IFI44L: variants seen among roughly 807,000 people sequenced by gnomAD.
IFI44L encodes interferon induced protein 44 like, also known as interferon-induced protein 44-like.
IFI44L carries 40 observed loss-of-function variants against 39.3 expected under a neutral mutation model. The ratio of observed to expected loss-of-function variants is 1.02; its 90% CI spans 0.79 to 1.33. IFI44L has a LOEUF of 1.33. Among genes scored for constraint, IFI44L ranks in the 40% most tolerant of loss-of-function variants. IFI44L has a pLI of 0.00. For synonymous variants in IFI44L, 198 were observed against 182.3 expected (o/e 1.09, Z -0.69); for missense variants, 623 against 549.0 (o/e 1.13, Z -1.35).
chr1:78,645,823 T>G lies in IFI44L; in HGVS notation c.*4014T>G, dbSNP rs923453382. The G allele has an allele frequency of 1.5e-4, 23 of 152,306 alleles. No individual in the cohort carries two copies. The highest frequency in any genetic ancestry group is 5.5e-4 in the African/African-American group (23 of 41,564). The allele number at this position is 152,306 out of a possible 1,614,324, so 9.4% of individuals were successfully genotyped here. On this transcript the variant is annotated 3_prime_UTR_variant, in exon 9 of 9. Transcript: ENST00000370751. ...ACCCTTGCAAAATCTTTCTCTGATG[T>G]TGGAGAAAATGGGCCAGTGAGATCA...
intron 5 of IFI44L, 78 bp downstream of exon 5, chr1:78,635,567 C>A: frequency 7.8e-7 from 1 of 1,289,640 alleles, no homozygotes. Context: ...CCACATAAGG[C>A]AATTTCAACT....
intron 1 of IFI44L, among the ~76,000 whole-genome samples, chr1:78,625,371 G>T (rs1011021096): frequency 6.6e-6 from 1 of 151,922 alleles, no homozygotes; most frequent in African/African-American, 2.4e-5. Flanking sequence ...GTCAGCTTTG[G>T]TAAGTTGTAT....
At chr1:78,636,853 T>A (rs113170784) in intron 5 of IFI44L, 179 bp from the exon 6 acceptor site, 3 of 517,996 alleles carry the variant, frequency 5.8e-6, no homozygotes, top group Non-Finnish European at 1.0e-5. Flanking sequence ...AAGAGAGATA[T>A]AATGGCATTA....
intron 4 of IFI44L, among the ~76,000 whole-genome samples, chr1:78,632,959 G>A (rs1652808518): frequency 6.6e-6 from 1 of 152,020 alleles, no homozygotes; most frequent in South Asian, 2.1e-4. Context: ...AGAGCAGGAG[G>A]GGCAGAGCAA....
Position 78,641,801 on chromosome 1 carries a change from T to A in IFI44L, c.1351T>A (p.Cys451Ser), listed in dbSNP as rs754630565. ...TGAIERALQP[C>S]I is the part of the protein sequence containing the mutation. ...TGCAATTGAGAGAGCGTTACAGCCC[T>A]GCATTTGAGATAAGTTGCCTTGATT... Residue 451 changes from cysteine to serine, a missense_variant, in exon 9 of 9, where the codon TGC becomes AGC. Physicochemically the swap from Cys to Ser is moderately radical, Grantham distance 112. Coordinates refer to ENST00000370751, the MANE Select transcript of IFI44L (RefSeq NM_006820.4). The A allele has an allele frequency of 5.0e-6, 8 of 1,613,692 alleles. No homozygotes were observed. Among genetic ancestry groups the A allele is most frequent in the Non-Finnish European group, 5.9e-6 (7 of 1,179,636 alleles).
chr1:78,632,410 T>C (rs1652781413), intron 4 of IFI44L, among the ~76,000 whole-genome samples: 1 of 152,184 alleles, frequency 6.6e-6, no homozygotes, highest in Non-Finnish European at 1.5e-5. Flanking sequence ...TGTTTTAATA[T>C]TGCATGATGA....
In IFI44L at chr1:78,627,903, T is replaced by C. The variant is rs776613900; in HGVS notation, c.-10-3T>C. On this transcript the variant is annotated splice_region_variant and splice_polypyrimidine_tract_variant and intron_variant, in intron 1 of 8. Coordinates refer to ENST00000370751, the MANE Select transcript of IFI44L (RefSeq NM_006820.4). ...TCTCAACCTATAATTGTTTTTCCATTAGATATAGAACAATGGAAGTGACAA... is the reference window on the plus strand; with the variant it reads ...TCTCAACCTATAATTGTTTTTCCATCAGATATAGAACAATGGAAGTGACAA... 8.2e-5 allele frequency: 123 copies of C among 1,495,966 alleles called. No individual in the cohort carries two copies. The highest frequency in any genetic ancestry group is 3.6e-4 in the Admixed American group (16 of 44,670). The allele number at this position is 1,495,966 out of a possible 1,614,324, so 92.7% of individuals were successfully genotyped here. A position where few individuals can be genotyped will look rare whatever the true frequency, so the allele number is the denominator to read the frequency against.
intron 7 of IFI44L, 27 bp from the exon 8 acceptor site, chr1:78,641,408 T>A: frequency 6.3e-7 from 1 of 1,598,638 alleles, no homozygotes. Context: ...ATACAGGACT[T>A]ACACTTTTTA....
chr1:78,641,578 T>G lies in IFI44L; in HGVS notation c.1293T>G (p.Asp431Glu). The G allele has an allele frequency of 6.2e-7, 1 of 1,613,624 alleles. No individual in the cohort carries two copies. The highest frequency in any genetic ancestry group is 8.5e-7 in the Non-Finnish European group (1 of 1,179,642). Residue 431 changes from aspartate (D) to glutamate (E), a missense_variant, in exon 8 of 9, where the codon GAT becomes GAG. Transcript: ENST00000370751. ...GGCAGATGCTGCGGGCTGCAGATGA[T>G]TTTTTAGAAGATTTGCCTCTTGAGG... ...ALRQMLRAAD[D>E]FLEDLPLEET...
chr1:78,637,130 CA>C lies in IFI44L; in HGVS notation c.977del (p.Asn326ThrfsTer14). The C allele has an allele frequency of 6.2e-7, 1 of 1,608,292 alleles. No homozygotes were observed. The highest frequency in any genetic ancestry group is 8.5e-7 in the Non-Finnish European group (1 of 1,177,294). ...ACTGTGTGGCTTATGTCTTAGACAT[CA>C]ACTCTATTGACAATCTCTACTCTAA... is the stretch of plus-strand genomic sequence containing the variant. ...IHCVAYVLDI[N>X]SIDNLYSKML... is the part of the protein sequence containing the mutation. On this transcript the variant is annotated frameshift_variant, in exon 6 of 9. Transcript: ENST00000370751. LOFTEE classifies it high-confidence loss of function.
Position 78,629,684 on chromosome 1 carries a change from G to A in IFI44L, c.528-36G>A, listed in dbSNP as rs528756076. On this transcript the variant is annotated intron_variant, in intron 3 of 8. Transcript: ENST00000370751. ...TTCTTTATGGTATTCTTTATTGGCT[G>A]TTCTGATGCTGTATTTAACCACTAT... The A allele has an allele frequency of 1.1e-4, 158 of 1,504,516 alleles. No individual in the cohort carries two copies. In the South Asian group the frequency reaches 1.5e-3, roughly 14 times the overall value. The allele number at this position is 1,504,516 out of a possible 1,614,324, so 93.2% of individuals were successfully genotyped here.
chr1:78,624,329 T>C (rs1235114935), intron 1 of IFI44L, among the ~76,000 whole-genome samples: 2 of 152,178 alleles, frequency 1.3e-5, no homozygotes, highest in East Asian at 1.9e-4. Context: ...TTTGATTTCA[T>C]TTTGATCCAC....
At position 78,637,159 on chromosome 1, in the gene IFI44L, T is replaced by A. The variant is rs145631492; in HGVS notation, c.1004T>A (p.Met335Lys). 412 of 1,609,562 alleles carry A rather than the reference T, an allele frequency of 2.6e-4. 3 individuals carry two copies. The African/African-American group carries it at 5.0e-3, about 20-fold the overall frequency. ...TCTATTGACAATCTCTACTCTAAAATGTTGGCAAAAGTGAAGCAAGTTCAC... is the reference window on the plus strand; with the variant it reads ...TCTATTGACAATCTCTACTCTAAAAAGTTGGCAAAAGTGAAGCAAGTTCAC... The part of the protein sequence containing the change: ...INSIDNLYSK[M>K]LAKVKQVHKE... The change falls in exon 6 of 9, where the codon ATG becomes AAG. Residue 335 changes from methionine (M) to lysine (K), a missense_variant. Transcript: ENST00000370751.
chr1:78,632,563 T>C (rs1248442482), intron 4 of IFI44L, among the ~76,000 whole-genome samples: 4 of 152,186 alleles, frequency 2.6e-5, no homozygotes, highest in Non-Finnish European at 5.9e-5. Context: ...TGGCAGCATA[T>C]AAAAATGTCG....
At chr1:78,630,238 T>C (rs1652699482) in intron 4 of IFI44L, 1 of 190,942 alleles carries the variant, frequency 5.2e-6, no homozygotes, top group African/African-American at 2.3e-5. Context: ...TGATTTTACC[T>C]GGTTTAAAAT....
At chr1:78,624,915 C>T (rs919852784) in intron 1 of IFI44L, among the ~76,000 whole-genome samples, 18 of 152,110 alleles carry the variant, frequency 1.2e-4, no homozygotes, top group Non-Finnish European at 2.2e-4. Context: ...GGTTATCTTG[C>T]GGTTCTTGCA....
chr1:78,634,392 C>T (rs1652863293), intron 4 of IFI44L, among the ~76,000 whole-genome samples: 1 of 151,994 alleles, frequency 6.6e-6, no homozygotes, highest in African/African-American at 2.4e-5. Flanking sequence ...AGAAACTCTG[C>T]AGGCCAAGAG....
Position 78,627,649 on chromosome 1 carries a change from A to ATTTAT in IFI44L, c.-10-254_-10-253insATTTT, listed in dbSNP as rs1652542481. The ATTTAT allele has an allele frequency of 1.6e-5, 4 of 244,852 alleles. No individual in the cohort carries two copies. The East Asian group carries it at 3.1e-4, about 19-fold the overall frequency. The allele number at this position is 244,852 out of a possible 1,614,324, so 15.2% of individuals were successfully genotyped here. ...AATTTGCTGACTCTTATTGAGATTT[A>ATTTAT]TTTTTCCTTTATTCAACTTTCTGAA... On this transcript the variant is annotated intron_variant, in intron 1 of 8. Coordinates refer to ENST00000370751, the MANE Select transcript of IFI44L (RefSeq NM_006820.4).
intron 4 of IFI44L, among the ~76,000 whole-genome samples, chr1:78,630,858 G>A (rs1426415898): frequency 1.3e-5 from 2 of 151,810 alleles, no homozygotes; most frequent in Non-Finnish European, 2.9e-5. Flanking sequence ...GCCGTGGCAA[G>A]GTACGGCAGC....
Sources: allele counts gnomAD v4.1 joint callset (sites outside exome capture counted in the v4.1 genomes callset), GRCh38; gene constraint gnomAD v4.1.1; transcripts MANE v1.5; gene names NCBI Gene and HGNC (gene_info 2026-07-23, HGNC 2026-07-21).